Variants in ATOSA observed in about 807,000 individuals in gnomAD.
The protein encoded by ATOSA is atos homolog A, also known as atos homolog protein A.
the ATOSA span, among the ~76,000 whole-genome samples, chr15:52,645,358 G>T: frequency 6.6e-6 from 1 of 152,312 alleles, no homozygotes; most frequent in South Asian, 2.1e-4. Flanking sequence ...AGGATTGCTT[G>T]AACCTGGGAG....
chr15:52,708,274 G>C, the ATOSA span, among the ~76,000 whole-genome samples: 1 of 152,124 alleles, frequency 6.6e-6, no homozygotes, highest in Non-Finnish European at 1.5e-5. Context: ...GAAGAGGAGA[G>C]GGACTTTCCT....
the ATOSA span, chr15:52,655,995 G>C: frequency 2.2e-4 from 34 of 152,094 alleles, no homozygotes; most frequent in African/African-American, 7.7e-4. Flanking sequence ...TACATGATGT[G>C]ACCATATGTC....
At chr15:52,618,290 C>T in the ATOSA span, among the ~76,000 whole-genome samples, 1 of 152,130 alleles carries the variant, frequency 6.6e-6, no homozygotes, top group African/African-American at 2.4e-5. Context: ...CCACCTGCCT[C>T]GGCCTCCCAA....
At chr15:52,612,959 A>T in the ATOSA span, among the ~76,000 whole-genome samples, 25 of 146,410 alleles carry the variant, frequency 1.7e-4, no homozygotes, top group African/African-American at 4.0e-4. Context: ...CTTCCCATTT[A>T]AAAAAAAAAA....
At chr15:52,625,858 A>G in the ATOSA span, among the ~76,000 whole-genome samples, 1 of 152,226 alleles carries the variant, frequency 6.6e-6, no homozygotes, top group Non-Finnish European at 1.5e-5. Flanking sequence ...AGCATAGAGC[A>G]GTAGTAAAGG....
the ATOSA span, chr15:52,584,609 G>T: frequency 2.9e-6 from 2 of 694,806 alleles, no homozygotes; most frequent in African/African-American, 3.6e-5. Context: ...CGGCATCTTG[G>T]CACATCATCA....
chr15:52,597,703 G>A, the ATOSA span, among the ~76,000 whole-genome samples: 2 of 152,218 alleles, frequency 1.3e-5, no homozygotes, highest in Non-Finnish European at 2.9e-5. Flanking sequence ...AATGGATGAT[G>A]ACAAGGTTTT....
At chr15:52,600,304 GGTCTCACTCTGTCACCCAGGCGGGA>G in the ATOSA span, 5 of 924,722 alleles carry the variant, frequency 5.4e-6, no homozygotes, top group Non-Finnish European at 8.4e-6. Flanking sequence ...CTTGAGACAG[GGTCTCACTCTGTCACCCAGGCGGGA>G]GTACAGTGGC....
the ATOSA span, among the ~76,000 whole-genome samples, chr15:52,647,008 G>C: frequency 6.6e-6 from 1 of 152,070 alleles, no homozygotes; most frequent in Admixed American, 6.5e-5. Flanking sequence ...ATGCAATGTA[G>C]TCATTTAAAA....
the ATOSA span, among the ~76,000 whole-genome samples, chr15:52,700,769 A>T: frequency 3.7e-4 from 56 of 152,272 alleles, no homozygotes; most frequent in East Asian, 9.6e-3. Context: ...CTTGTTTTTT[A>T]CCTCTCTCGT....
At chr15:52,687,673 G>C in the ATOSA span, among the ~76,000 whole-genome samples, 2 of 152,198 alleles carry the variant, frequency 1.3e-5, no homozygotes, top group African/African-American at 4.8e-5. Flanking sequence ...TGCCATTTTG[G>C]AAGGTCAGTT....
the ATOSA span, among the ~76,000 whole-genome samples, chr15:52,674,343 A>C: frequency 1.3e-5 from 2 of 152,124 alleles, no homozygotes; most frequent in Non-Finnish European, 2.9e-5. Context: ...GAGCCACCGC[A>C]ACAGGCCGTG....
At chr15:52,592,499 T>A in the ATOSA span, among the ~76,000 whole-genome samples, 1 of 152,292 alleles carries the variant, frequency 6.6e-6, no homozygotes, top group African/African-American at 2.4e-5. Flanking sequence ...CCACAAGCCA[T>A]TGGAATAAAA....
the ATOSA span, among the ~76,000 whole-genome samples, chr15:52,620,731 T>C: frequency 1.5e-4 from 22 of 151,674 alleles, no homozygotes; most frequent in South Asian, 3.3e-3. Flanking sequence ...GGCTGATTGC[T>C]TGAGCTCTGG....
chr15:52,663,582 A>G, the ATOSA span, among the ~76,000 whole-genome samples: 2 of 143,792 alleles, frequency 1.4e-5, no homozygotes, highest in African/African-American at 4.9e-5. Context: ...AGTTGTACAT[A>G]TTGTTAAGAT....
the ATOSA span, among the ~76,000 whole-genome samples, chr15:52,594,659 A>C: frequency 6.6e-6 from 1 of 152,080 alleles, no homozygotes; most frequent in Non-Finnish European, 1.5e-5. Flanking sequence ...TTTGCCCTCT[A>C]ATCAATCCAA....
At chr15:52,666,160 A>G in the ATOSA span, among the ~76,000 whole-genome samples, 2 of 152,176 alleles carry the variant, frequency 1.3e-5, no homozygotes, top group Non-Finnish European at 2.9e-5. Flanking sequence ...TTACTAGTGT[A>G]ATTTTTAAGA....
At chr15:52,587,064 T>G in the ATOSA span, 5 of 1,593,066 alleles carry the variant, frequency 3.1e-6, no homozygotes, top group Non-Finnish European at 4.3e-6. Context: ...ACCAAAGTTG[T>G]TGCAGCAGCA....
chr15:52,594,809 G>A, the ATOSA span, among the ~76,000 whole-genome samples: 10 of 152,056 alleles, frequency 6.6e-5, no homozygotes, highest in African/African-American at 2.4e-4. Context: ...CTTTCCATCT[G>A]TAGTGTATCC....
Sources: gnomAD v4.1 joint callset for allele counts (sites outside exome capture counted in the v4.1 genomes callset) on GRCh38, gnomAD v4.1.1 for gene constraint, MANE v1.5 for transcripts, NCBI Gene and HGNC (gene_info 2026-07-23, HGNC 2026-07-21) for gene names.